Variants in NOP53 observed in about 807,000 individuals in gnomAD.
NOP53 encodes the protein NOP53 ribosome biogenesis factor.
A neutral mutation model predicts 61.0 loss-of-function variants in NOP53; 40 were observed. That is an observed-to-expected ratio of 0.66 (90% CI 0.51 to 0.85). NOP53 has a LOEUF of 0.85. NOP53 is among the 40% of genes least tolerant of loss of function. The pLI, the probability that NOP53 is intolerant of heterozygous loss-of-function variation, is 0.00. For synonymous variants in NOP53, 308 were observed against 289.5 expected (o/e 1.06, Z -0.65); for missense variants, 689 against 652.9 (o/e 1.06, Z -0.60).
At chr19:47,746,922 C>T (rs747280019) in intron 1 of NOP53, 45 bp from the exon 2 acceptor site, 18 of 1,526,384 alleles carry the variant, frequency 1.2e-5, no homozygotes, top group South Asian at 2.2e-5. Context: ...AAATCTCTTT[C>T]CTCTCCAACA....
rs1451961528 is a variant in NOP53 at position 47,754,491 on chromosome 19, G to A, written c.766-36G>A. 1.4e-6 allele frequency: 2 copies of A among 1,414,176 alleles called. No homozygotes were observed. The highest frequency in any genetic ancestry group is 2.0e-6 in the Non-Finnish European group (2 of 1,024,936). 87.6% of individuals were successfully genotyped at this position (1,414,176 alleles called of 1,614,324 possible). ...AGGGTCTAGTCTCAGTGTCCCAGGA[G>A]GGGTTCAGGGACCCATCCTCACTCC... On this transcript the variant is annotated intron_variant, in intron 6 of 12. Transcript: ENST00000246802. This position sits in a 1 kb window ranked among gnomAD's most constrained non-coding sequence, Gnocchi z 4.2.
chr19:47,747,364 G>A (rs1244560946), intron 2 of NOP53, among the ~76,000 whole-genome samples: 1 of 152,110 alleles, frequency 6.6e-6, no homozygotes, highest in Admixed American at 6.6e-5. Context: ...CAGTCCTGCC[G>A]GTTGCGGTGA....
rs1198406586 is a variant in NOP53 at position 47,756,041 on chromosome 19, C to G, written c.1296+219C>G. The stretch of plus-strand genomic sequence containing the variant: ...GGGACCCTAAGAAGGCCTTTCCTTC[C>G]AGCTGGTCCCTGTTGCAGTCCCGGT... On this transcript the variant is annotated intron_variant, in intron 10 of 12. Transcript: ENST00000246802. 3 of 584,242 alleles carry G rather than the reference C, an allele frequency of 5.1e-6. No individual in the cohort carries two copies. In the East Asian group the frequency reaches 8.5e-5, roughly 17 times the overall value. The allele number at this position is 584,242 out of a possible 1,614,324, so 36.2% of individuals were successfully genotyped here.
chr19:47,754,928 C>T lies in NOP53; in HGVS notation c.1053+37C>T, dbSNP rs1967171176. The T allele has an allele frequency of 5.4e-6, 8 of 1,469,390 alleles. No individual in the cohort carries two copies. The highest frequency in any genetic ancestry group is 7.2e-6 in the Non-Finnish European group (8 of 1,118,368). 91.0% of individuals were successfully genotyped at this position (1,469,390 alleles called of 1,614,324 possible). A position where few individuals can be genotyped will look rare whatever the true frequency, so the allele number is the denominator to read the frequency against. On this transcript the variant is annotated intron_variant, in intron 8 of 12. Coordinates refer to ENST00000246802, the MANE Select transcript of NOP53 (RefSeq NM_015710.5). This position sits in a 1 kb window ranked among gnomAD's most constrained non-coding sequence, Gnocchi z 4.2. The stretch of plus-strand genomic sequence containing the variant: ...GGCCAGCGGGGCCTGCCTCTGATGC[C>T]TCGCCCCCTTCCTTCCTTCCTCCCA...
chr19:47,751,883 C>T (rs979414196), intron 5 of NOP53, among the ~76,000 whole-genome samples: 2 of 152,108 alleles, frequency 1.3e-5, no homozygotes, highest in Admixed American at 6.6e-5. Flanking sequence ...AGGTGGATCA[C>T]CTGAGGTCGG....
At chr19:47,756,309 C>G (rs904995179) in intron 10 of NOP53, 2 of 588,220 alleles carry the variant, frequency 3.4e-6, no homozygotes, top group East Asian at 5.6e-5. Flanking sequence ...AGCCCACTTC[C>G]CGTGACTCCT....
At chr19:47,748,144 C>CT (rs1967086277) in intron 2 of NOP53, among the ~76,000 whole-genome samples, 1 of 151,948 alleles carries the variant, frequency 6.6e-6, no homozygotes, top group South Asian at 2.1e-4. Flanking sequence ...AGGCTGGTCT[C>CT]AAACTCCTGA....
At position 47,752,597 on chromosome 19, in the gene NOP53, A is replaced by G. The variant is rs761701440; in HGVS notation, c.755A>G (p.Glu252Gly). ...GGAGCTTCCTACAATCCATCCTTTG[A>G]AGACCACCAGGTACACTGCCCCGTC... ...PAGASYNPSF[E>G]DHQTLLSAAH... is the part of the protein sequence containing the mutation. The change falls in exon 6 of 13, where the codon GAA becomes GGA. Residue 252 changes from glutamate (E) to glycine (G), a missense_variant. Glu to Gly is a moderately conservative substitution (Grantham distance 98). Transcript: ENST00000246802. The G allele has an allele frequency of 6.2e-7, 1 of 1,601,716 alleles. No individual in the cohort carries two copies. Among genetic ancestry groups the G allele is most frequent in the Non-Finnish European group, 8.6e-7 (1 of 1,169,158 alleles).
At chr19:47,750,690 G>A (rs2123673728) in intron 3 of NOP53, among the ~76,000 whole-genome samples, 1 of 152,252 alleles carries the variant, frequency 6.6e-6, no homozygotes, top group East Asian at 1.9e-4. Context: ...GTCCAGGACG[G>A]GGCTGTTGCT....
intron 4 of NOP53, 30 bp downstream of exon 4, chr19:47,751,137 G>C (rs1270194988): frequency 6.4e-7 from 1 of 1,551,446 alleles, no homozygotes; most frequent in Non-Finnish European, 8.8e-7. Flanking sequence ...CCTATGAATG[G>C]GGACAGGACG....
In NOP53 at chr19:47,751,507, G is replaced by C; in HGVS notation, c.599-13G>C. On this transcript the variant is annotated splice_polypyrimidine_tract_variant and intron_variant, in intron 4 of 12. Coordinates refer to ENST00000246802, the MANE Select transcript of NOP53 (RefSeq NM_015710.5). The stretch of plus-strand genomic sequence containing the variant: ...TGGGACTGTCCCAGCAGCTCCCCTC[G>C]CTGTATCCACAGACCCCCTGGACAG... 6.2e-7 allele frequency: 1 copy of C among 1,611,268 alleles called. No homozygotes were observed.
At chr19:47,756,127 C>T (rs1386066161) in intron 10 of NOP53, 24 of 517,866 alleles carry the variant, frequency 4.6e-5, no homozygotes, top group African/African-American at 3.8e-5. Context: ...CTCCCCTGCT[C>T]GGAACCTGCT....
At chr19:47,749,871 A>G (rs908428372) in intron 2 of NOP53, among the ~76,000 whole-genome samples, 1 of 152,104 alleles carries the variant, frequency 6.6e-6, no homozygotes, top group Non-Finnish European at 1.5e-5. Flanking sequence ...GTGAGCCACC[A>G]TGCAGGGAAG....
At position 47,754,886 on chromosome 19, in the gene NOP53, A is replaced by G. The variant is rs1175857487; in HGVS notation, c.1048A>G (p.Arg350Gly). 32 of 1,503,730 alleles carry G rather than the reference A, an allele frequency of 2.1e-5. No individual in the cohort carries two copies. Among genetic ancestry groups the G allele is most frequent in the Non-Finnish European group, 2.7e-5 (31 of 1,137,966 alleles). 93.1% of individuals were successfully genotyped at this position (1,503,730 alleles called of 1,614,324 possible). ...GCGGCGGCGGGAGAAGGCTGTGCACAGGCTGGTGAGCGCCTGGGCCAGCGG... is the reference window on the plus strand; with the variant it reads ...GCGGCGGCGGGAGAAGGCTGTGCACGGGCTGGTGAGCGCCTGGGCCAGCGG... ...QQRRREKAVH[R>G]LRVQQAALRA... Residue 350 changes from arginine (R) to glycine (G), a missense_variant, in exon 8 of 13, where the codon AGG becomes GGG. Physicochemically the swap from Arg to Gly is moderately radical, Grantham distance 125. Transcript: ENST00000246802. The surrounding 1 kb of genome is among the most constrained non-coding windows in gnomAD (Gnocchi z 4.2).
chr19:47,751,132 G>T, intron 4 of NOP53, 25 bp downstream of exon 4: 2 of 1,572,192 alleles, frequency 1.3e-6, no homozygotes, highest in South Asian at 1.1e-5. Context: ...TGTCACCTAT[G>T]AATGGGGACA....
chr19:47,754,388 G>C lies in NOP53; in HGVS notation c.766-139G>C. On this transcript the variant is annotated intron_variant, in intron 6 of 12. Transcript: ENST00000246802. The surrounding 1 kb of genome is among the most constrained non-coding windows in gnomAD (Gnocchi z 4.2). ...GGCTCTGTGCAGGGTGGGTGTGCTG[G>C]TAGACGGGGTGTGGGGAGGAAAGCC... 1 of 684,742 alleles carries C rather than the reference G, an allele frequency of 1.5e-6. No homozygotes were observed. Among genetic ancestry groups the C allele is most frequent in the Non-Finnish European group, 2.6e-6 (1 of 381,998 alleles). 42.4% of individuals were successfully genotyped at this position (684,742 alleles called of 1,614,324 possible).
intron 3 of NOP53, 103 bp downstream of exon 3, chr19:47,750,389 G>C: frequency 1.4e-6 from 1 of 728,670 alleles, no homozygotes. Flanking sequence ...TGAAGGGTAG[G>C]GCAGGCTCAG....
intron 10 of NOP53, chr19:47,756,027 A>T: frequency 1.7e-6 from 1 of 588,066 alleles, no homozygotes; most frequent in Non-Finnish European, 3.0e-6. Flanking sequence ...GGACCCTAAG[A>T]AGGCCTTTCC....
intron 2 of NOP53, among the ~76,000 whole-genome samples, 180 bp downstream of exon 2, chr19:47,747,211 A>G (rs889148830): frequency 6.6e-6 from 1 of 152,146 alleles, no homozygotes; most frequent in Non-Finnish European, 1.5e-5. Flanking sequence ...ACGAACTTAG[A>G]GAAGGCAGGT....
Sources: allele counts gnomAD v4.1 joint callset (sites outside exome capture counted in the v4.1 genomes callset), GRCh38; gene constraint gnomAD v4.1.1; non-coding constraint Gnocchi (gnomAD v3.1); transcripts MANE v1.5; gene names NCBI Gene and HGNC (gene_info 2026-07-23, HGNC 2026-07-21).